The following KLHL13 variants were observed in gnomAD, a reference collection of about 807,000 sequenced individuals.
KLHL13 encodes the protein kelch-like protein 13.
In KLHL13, 10 loss-of-function variants were observed where a neutral mutation model predicts 37.1. The ratio of observed to expected loss-of-function variants is 0.27; its 90% CI spans 0.17 to 0.46. KLHL13 has a LOEUF of 0.46. KLHL13 is among the 20% of genes least tolerant of loss of function. KLHL13 has a pLI of 1.00. For missense variants in KLHL13, 360 were observed against 509.3 expected, an observed-to-expected ratio of 0.71 and a Z score of 2.82; for synonymous variants, 163 against 181.2, an observed-to-expected ratio of 0.90 and a Z score of 0.81.
intron 1 of KLHL13, among the ~76,000 whole-genome samples, chrX:118,029,225 C>T (rs2054309380): frequency 9.0e-6 from 1 of 111,320 alleles, no homozygotes; most frequent in African/African-American, 3.3e-5. Flanking sequence ...CAAATACATG[C>T]CACATAGATA....
At chrX:118,071,024 G>C (rs1330637060) in intron 1 of KLHL13, among the ~76,000 whole-genome samples, 3 of 108,276 alleles carry the variant, frequency 2.8e-5, no homozygotes, top group Non-Finnish European at 5.7e-5. Flanking sequence ...TTTTCTTCTT[G>C]CGATAGTTTA....
intron 1 of KLHL13, among the ~76,000 whole-genome samples, chrX:118,086,126 G>T (rs1373448743): frequency 9.0e-6 from 1 of 110,941 alleles, no homozygotes; most frequent in Non-Finnish European, 1.9e-5. Flanking sequence ...TAGTAGAGAT[G>T]GGATTTCACC....
At chrX:118,089,895 A>G (rs1026622251) in intron 1 of KLHL13, among the ~76,000 whole-genome samples, 8 of 109,928 alleles carry the variant, frequency 7.3e-5, no homozygotes. Flanking sequence ...CCTTGCCAAC[A>G]TGGTGAAACC....
intron 1 of KLHL13, among the ~76,000 whole-genome samples, chrX:118,109,274 C>T (rs2055381762): frequency 8.9e-6 from 1 of 111,935 alleles, no homozygotes; most frequent in African/African-American, 3.2e-5. Context: ...TGAAATTGCG[C>T]AACAGAGAAA....
rs149319437 is a variant in KLHL13, at chrX:117,914,620, C to T, written c.571-4524G>A. On this transcript the variant is annotated intron_variant, in intron 4 of 6. Coordinates refer to ENST00000262820, the Ensembl canonical transcript of KLHL13. The stretch of plus-strand genomic sequence containing the variant: ...CCACAGATGAGACCATCACAGGACA[C>T]AAAGAAGAGACACTTTGGTAAGAAC... 7.1e-3 allele frequency among the ~76,000 whole-genome samples: 794 copies of T among 111,632 alleles called. 6 individuals carry two copies. The highest frequency in any genetic ancestry group is 0.023 in the African/African-American group (704 of 30,736).
chrX:117,915,238 T>A (rs1420329544), intron 4 of KLHL13, among the ~76,000 whole-genome samples: 1 of 112,427 alleles, frequency 8.9e-6, no homozygotes, highest in African/African-American at 3.2e-5. Flanking sequence ...GAAATATATG[T>A]ACTATGCAGG....
At chrX:117,913,733 C>T (rs1931144328) in intron 4 of KLHL13, among the ~76,000 whole-genome samples, 1 of 109,838 alleles carries the variant, frequency 9.1e-6, no homozygotes, top group Non-Finnish European at 1.9e-5. Flanking sequence ...TTCCCAGCTA[C>T]CTGGGAGGCT....
Position 118,011,092 on chromosome X carries a change from A to G in KLHL13, c.-55-65517T>C, listed in dbSNP as rs868137019. Among the ~76,000 whole-genome samples, 7 of 108,692 alleles carry G rather than the reference A, an allele frequency of 6.4e-5. No homozygotes were observed. In the South Asian group the frequency reaches 1.6e-3, roughly 25 times the overall value. 94.4% of individuals were successfully genotyped at this position (108,692 alleles called of 115,157 possible). On this transcript the variant is annotated intron_variant, in intron 1 of 6. Coordinates refer to the KLHL13 transcript ENST00000371882. ...TGTCTCAAAATAAATAAATAAATAA[A>G]TAAATAAATAAGAAAAGGACACCTA... is the stretch of plus-strand genomic sequence containing the variant.
At chrX:118,010,228 T>C (rs2054046053) in intron 1 of KLHL13, among the ~76,000 whole-genome samples, 1 of 87,247 alleles carries the variant, frequency 1.1e-5, no homozygotes, top group Non-Finnish European at 2.2e-5. Context: ...GACCCAGCCA[T>C]CCCATTACTG....
intron 2 of KLHL13, among the ~76,000 whole-genome samples, chrX:117,941,707 T>C (rs1301132022): frequency 9.0e-6 from 1 of 111,659 alleles, no homozygotes; most frequent in Non-Finnish European, 1.9e-5. Flanking sequence ...TTATTGTGTC[T>C]ATTTGATTCT....
At chrX:118,059,485 T>C (rs191873031) in intron 1 of KLHL13, among the ~76,000 whole-genome samples, 9 of 111,649 alleles carry the variant, frequency 8.1e-5, no homozygotes, top group African/African-American at 2.6e-4. Flanking sequence ...CAGTCAATGA[T>C]GACATCCATT....
rs142451331 is a variant in KLHL13 at position 117,963,131 on chromosome X, T to A, written c.98+9600A>T. Among the ~76,000 whole-genome samples, 1,034 of 112,028 alleles carry A rather than the reference T, an allele frequency of 9.2e-3. 17 individuals are homozygous for A. Among genetic ancestry groups the A allele is most frequent in the African/African-American group, 0.031 (957 of 30,869 alleles). On this transcript the variant is annotated intron_variant, in intron 1 of 6. Transcript: ENST00000262820. Reference sequence around the variant, plus strand: ...TGTTATTGAAGATAAGTTACTTCATTACTCCATTGAACTATATTATAAGAA... The same window carrying A: ...TGTTATTGAAGATAAGTTACTTCATAACTCCATTGAACTATATTATAAGAA...
intron 4 of KLHL13, among the ~76,000 whole-genome samples, chrX:117,916,237 C>T (rs1931355100): frequency 9.0e-6 from 1 of 111,640 alleles, no homozygotes. Context: ...TATACAATGT[C>T]ATAAGGACAA....
Position 117,935,645 on chromosome X carries a change from G to A in KLHL13, c.240+9789C>T, listed in dbSNP as rs1299845222. Among the ~76,000 whole-genome samples, 7 of 110,946 alleles carry A rather than the reference G, an allele frequency of 6.3e-5. No individual in the cohort carries two copies. The Admixed American group carries it at 6.7e-4, about 11-fold the overall frequency. ...ACAGGAGGAAGAGAGTGAAGGGGGAGGTGCTACACACTTTCAAACAACTAG... is the reference window on the plus strand; with the variant it reads ...ACAGGAGGAAGAGAGTGAAGGGGGAAGTGCTACACACTTTCAAACAACTAG... On this transcript the variant is annotated intron_variant, in intron 2 of 6. Coordinates refer to ENST00000262820, the Ensembl canonical transcript of KLHL13.
chrX:117,903,650 G>T (rs1189235996), intron 5 of KLHL13, among the ~76,000 whole-genome samples: 1 of 108,997 alleles, frequency 9.2e-6, no homozygotes, highest in Admixed American at 9.8e-5. Flanking sequence ...TCTCTCTCTC[G>T]CCACATAAGA....
intron 1 of KLHL13, among the ~76,000 whole-genome samples, chrX:118,011,207 T>C (rs1226775918): frequency 9.2e-6 from 1 of 109,184 alleles, no homozygotes; most frequent in African/African-American, 3.3e-5. Context: ...AGGCCCAACA[T>C]ATGAGAGAAA....
At chrX:117,917,000 G>A (rs1190311555) in intron 4 of KLHL13, among the ~76,000 whole-genome samples, 1 of 111,139 alleles carries the variant, frequency 9.0e-6, no homozygotes, top group Non-Finnish European at 1.9e-5. Context: ...AAAATACACT[G>A]GGCTACTATT....
intron 1 of KLHL13, among the ~76,000 whole-genome samples, chrX:118,071,969 GA>G (rs1258636044): frequency 9.0e-6 from 1 of 110,773 alleles, no homozygotes; most frequent in Non-Finnish European, 1.9e-5. Flanking sequence ...CACAGAATTG[GA>G]AAAAACTACT....
At chrX:118,095,168 T>G (rs1401386724) in intron 1 of KLHL13, among the ~76,000 whole-genome samples, 1 of 110,693 alleles carries the variant, frequency 9.0e-6, no homozygotes, top group African/African-American at 3.3e-5. Context: ...GAGACACACA[T>G]AGGCTCAAAA....
Sources: allele counts gnomAD v4.1 joint callset (sites outside exome capture counted in the v4.1 genomes callset), GRCh38; gene constraint gnomAD v4.1.1; transcripts MANE v1.5; gene names NCBI Gene and HGNC (gene_info 2026-07-23, HGNC 2026-07-21).